Variants in RALYL observed in about 807,000 individuals in gnomAD.
The protein encoded by RALYL is RALY RNA binding protein like, also known as RNA-binding Raly-like protein.
Under a neutral mutation model 35.1 loss-of-function variants are expected in RALYL, and 29 were observed. That is an observed-to-expected ratio of 0.83 (90% confidence interval 0.61 to 1.13). The LOEUF (loss-of-function observed/expected upper bound fraction) is 1.13. RALYL is among the 50% of genes most tolerant of loss of function. The pLI, the probability that RALYL is intolerant of heterozygous loss-of-function variation, is 0.00. For missense variants in RALYL, 359 were observed against 360.4 expected, an observed-to-expected ratio of 1.00 and a Z score of 0.03; for synonymous variants, 120 against 127.6, an observed-to-expected ratio of 0.94 and a Z score of 0.40.
At chr8:84,592,993 C>T (rs572825918) in intron 2 of RALYL, among the ~76,000 whole-genome samples, 91 of 152,070 alleles carry the variant, frequency 6.0e-4, no homozygotes, top group Non-Finnish European at 1.1e-3. Flanking sequence ...CACTGGTGAA[C>T]TCCAAAAGTA....
chr8:84,534,775 G>C (rs1487891073), intron 2 of RALYL, among the ~76,000 whole-genome samples: 1 of 152,162 alleles, frequency 6.6e-6, no homozygotes, highest in Admixed American at 6.5e-5. Flanking sequence ...GATATAGTTG[G>C]GGTTGCTGCT....
intron 6 of RALYL, 192 bp from the exon 7 acceptor site, chr8:84,873,092 C>T (rs764727727): frequency 3.0e-4 from 126 of 426,840 alleles, no homozygotes; most frequent in Middle Eastern, 5.1e-4. Flanking sequence ...ACTGAGAATC[C>T]GTATTTGTAA....
chr8:84,197,990 T>C (rs1263538927), intron 1 of RALYL, among the ~76,000 whole-genome samples: 3 of 152,176 alleles, frequency 2.0e-5, no homozygotes, highest in Non-Finnish European at 4.4e-5. Context: ...TAAACCTTTT[T>C]GAATTAATTA....
chr8:84,202,472 A>G (rs1817096417), intron 1 of RALYL, among the ~76,000 whole-genome samples: 2 of 149,420 alleles, frequency 1.3e-5, no homozygotes, highest in African/African-American at 2.5e-5. Flanking sequence ...TCCCGGGTTC[A>G]AGCAATTCTC....
intron 8 of RALYL, among the ~76,000 whole-genome samples, chr8:84,906,763 C>T (rs1249090371): frequency 6.6e-6 from 1 of 152,016 alleles, no homozygotes; most frequent in Non-Finnish European, 1.5e-5. Flanking sequence ...TGCAAAGAGG[C>T]ATCCTCTAGC....
intron 4 of RALYL, among the ~76,000 whole-genome samples, chr8:84,825,734 G>T (rs1243210771): frequency 2.0e-5 from 3 of 152,086 alleles, no homozygotes; most frequent in Non-Finnish European, 2.9e-5. Flanking sequence ...TGGGCATGGT[G>T]GTGCATGACT....
chr8:84,760,229 T>C (rs1812365770), intron 2 of RALYL, among the ~76,000 whole-genome samples: 1 of 152,126 alleles, frequency 6.6e-6, no homozygotes, highest in Non-Finnish European at 1.5e-5. Flanking sequence ...AAGATAAAAT[T>C]AGATTTTTTT....
intron 2 of RALYL, among the ~76,000 whole-genome samples, chr8:84,690,824 T>C (rs1163692638): frequency 6.6e-6 from 1 of 152,078 alleles, no homozygotes; most frequent in Non-Finnish European, 1.5e-5. Flanking sequence ...AAGTGGATGA[T>C]AAATTCTAAA....
intron 2 of RALYL, among the ~76,000 whole-genome samples, chr8:84,657,456 T>G (rs1301307077): frequency 6.6e-6 from 1 of 152,198 alleles, no homozygotes; most frequent in Non-Finnish European, 1.5e-5. Flanking sequence ...AGAATATTTC[T>G]TGTTGGGGCT....
intron 1 of RALYL, among the ~76,000 whole-genome samples, chr8:84,502,284 G>T (rs1196595201): frequency 6.6e-6 from 1 of 151,910 alleles, no homozygotes; most frequent in Non-Finnish European, 1.5e-5. Context: ...TCCATTAACT[G>T]ATCAAATAAT....
At chr8:84,366,715 G>A (rs1854353298) in intron 1 of RALYL, among the ~76,000 whole-genome samples, 1 of 119,632 alleles carries the variant, frequency 8.4e-6, no homozygotes, top group African/African-American at 3.1e-5. Context: ...GTTGAGCCAA[G>A]ATCACACCAC....
intron 2 of RALYL, among the ~76,000 whole-genome samples, chr8:84,716,977 A>G (rs1843039713): frequency 6.6e-6 from 1 of 152,120 alleles, no homozygotes. Context: ...TCACGAGATC[A>G]GAAGTTTGAG....
intron 1 of RALYL, among the ~76,000 whole-genome samples, chr8:84,218,182 C>A (rs1821294213): frequency 6.6e-6 from 1 of 151,990 alleles, no homozygotes; most frequent in African/African-American, 2.4e-5. Flanking sequence ...TTTATTTAAG[C>A]CAATTTCCAA....
At chr8:84,515,737 A>C (rs1033860189) in intron 1 of RALYL, among the ~76,000 whole-genome samples, 1 of 152,140 alleles carries the variant, frequency 6.6e-6, no homozygotes, top group African/African-American at 2.4e-5. Flanking sequence ...CTAAAAATGG[A>C]ATAAATTTTC....
chr8:84,581,481 A>T (rs1481717969), intron 2 of RALYL, among the ~76,000 whole-genome samples: 1 of 152,226 alleles, frequency 6.6e-6, no homozygotes, highest in Admixed American at 6.5e-5. Flanking sequence ...CACATAATAT[A>T]GAATCTGAGG....
intron 1 of RALYL, among the ~76,000 whole-genome samples, chr8:84,471,550 ACT>A (rs1166894077): frequency 6.6e-6 from 1 of 151,934 alleles, no homozygotes; most frequent in African/African-American, 2.4e-5. Flanking sequence ...ACAGAGAAAG[ACT>A]CTGTCTCCAA....
chr8:84,571,428 ATCT>A (rs1807960123), intron 2 of RALYL, among the ~76,000 whole-genome samples: 1 of 151,422 alleles, frequency 6.6e-6, no homozygotes, highest in African/African-American at 2.4e-5. Context: ...GTCTCTGATG[ATCT>A]TTTGTATTTC....
chr8:84,476,360 C>T (rs1465117689), intron 1 of RALYL, among the ~76,000 whole-genome samples: 1 of 152,154 alleles, frequency 6.6e-6, no homozygotes, highest in African/African-American at 2.4e-5. Context: ...CAAGCTTCCA[C>T]TCCCATACAC....
At chr8:84,754,984 A>G (rs1811034033) in intron 2 of RALYL, among the ~76,000 whole-genome samples, 2 of 152,152 alleles carry the variant, frequency 1.3e-5, no homozygotes, top group East Asian at 3.9e-4. Context: ...GTCTTACAAG[A>G]AGTGGAGCTA....
Sources: allele counts gnomAD v4.1 joint callset (sites outside exome capture counted in the v4.1 genomes callset), GRCh38; gene constraint gnomAD v4.1.1; transcripts MANE v1.5; gene names NCBI Gene and HGNC (gene_info 2026-07-23, HGNC 2026-07-21).